CCDC18: variants seen among roughly 807,000 people sequenced by gnomAD.
The protein encoded by CCDC18 is coiled-coil domain containing 18.
CCDC18 carries 157 observed loss-of-function variants against 196.0 expected under a neutral mutation model. That is an observed-to-expected ratio of 0.80 (90% confidence interval 0.70 to 0.91). The LOEUF is 0.91. CCDC18 is among the 40% of genes least tolerant of loss of function. The pLI, the probability that CCDC18 is intolerant of heterozygous loss-of-function variation, is 0.00. For missense variants in CCDC18, 1,465 were observed against 1,611.6 expected (o/e 0.91, Z 1.56); for synonymous variants, 482 against 529.2 (o/e 0.91, Z 1.22).
chr1:93,219,938 TG>T (rs1657129818), intron 14 of CCDC18, among the ~76,000 whole-genome samples: 1 of 152,210 alleles, frequency 6.6e-6, no homozygotes, highest in Non-Finnish European at 1.5e-5. Flanking sequence ...GGGAAGGACC[TG>T]GAAGATCTGA....
At chr1:93,202,979 T>C (rs1395964493) in intron 7 of CCDC18, among the ~76,000 whole-genome samples, 1 of 152,124 alleles carries the variant, frequency 6.6e-6, no homozygotes, top group South Asian at 2.1e-4. Flanking sequence ...ATCTCAAAGA[T>C]TGTGATATAT....
In CCDC18 at chr1:93,258,758, G is replaced by T; in HGVS notation, c.3557G>T (p.Gly1186Val). Residue 1186 changes from glycine to valine, a missense_variant, in exon 26 of 29, where the codon GGA (glycine) becomes GTA (valine). Transcript: ENST00000690025. ...TATGTCATTTTTAAGGATGCTCATG[G>T]AAACCATTTAGCTGAAGAACTGGGG... ...KQLSKEKDAH[G>V]NHLAEELGAS... 1 of 1,547,214 alleles carries T rather than the reference G, an allele frequency of 6.5e-7. No individual in the cohort carries two copies. Among genetic ancestry groups the T allele is most frequent in the Admixed American group, 2.1e-5 (1 of 47,502 alleles).
intron 23 of CCDC18, among the ~76,000 whole-genome samples, chr1:93,250,820 T>G (rs1662139367): frequency 1.3e-5 from 2 of 152,242 alleles, no homozygotes; most frequent in African/African-American, 4.8e-5. Flanking sequence ...AACATCTTTT[T>G]ACATTATTTT....
At chr1:93,229,584 C>T (rs1473392910) in intron 17 of CCDC18, among the ~76,000 whole-genome samples, 1 of 152,100 alleles carries the variant, frequency 6.6e-6, no homozygotes, top group African/African-American at 2.4e-5. Context: ...AATTAAGTGG[C>T]CCTAGGGCAT....
In CCDC18 at chr1:93,258,762, C is replaced by T; in HGVS notation, c.3561C>T (p.Asn1187=). 14 of 1,561,028 alleles carry T rather than the reference C, an allele frequency of 9.0e-6. No individual in the cohort carries two copies. The highest frequency in any genetic ancestry group is 1.2e-5 in the Non-Finnish European group (14 of 1,156,770). ...TCATTTTTAAGGATGCTCATGGAAACCATTTAGCTGAAGAACTGGGGGCTT... is the reference window on the plus strand; with the variant it reads ...TCATTTTTAAGGATGCTCATGGAAATCATTTAGCTGAAGAACTGGGGGCTT... ...QLSKEKDAHG[N]HLAEELGASK... is the part of the protein sequence containing the mutation. Residue 1187 remains asparagine, a synonymous_variant, in exon 26 of 29, where the codon AAC becomes AAT. Transcript: ENST00000690025.
chr1:93,213,407 CTCT>C (rs1433788218), intron 11 of CCDC18, among the ~76,000 whole-genome samples: 2 of 145,356 alleles, frequency 1.4e-5, no homozygotes, highest in East Asian at 4.2e-4. Flanking sequence ...TTAATTTTCT[CTCT>C]TTTTTTTTTT....
At chr1:93,252,047 A>C (rs1448917787) in intron 23 of CCDC18, among the ~76,000 whole-genome samples, 2 of 151,894 alleles carry the variant, frequency 1.3e-5, no homozygotes, top group Admixed American at 6.6e-5. Context: ...CTATCAAACT[A>C]ATTAACTAAC....
chr1:93,277,754 T>G (rs1468367369), intron 28 of CCDC18, among the ~76,000 whole-genome samples: 1 of 152,048 alleles, frequency 6.6e-6, no homozygotes, highest in African/African-American at 2.4e-5. Context: ...CCCACATAAT[T>G]GTCTTTTGTC....
At chr1:93,179,939 G>T (rs570122389), upstream of CCDC18, 15 of 1,161,950 alleles carry the variant, frequency 1.3e-5, no homozygotes, top group South Asian at 2.1e-4. Flanking sequence ...CTTCCTGAAC[G>T]GCCCTCGCCT....
intron 16 of CCDC18, 144 bp from the exon 17 acceptor site, chr1:93,226,189 T>A (rs1003104742): frequency 2.3e-6 from 1 of 436,766 alleles, no homozygotes. Context: ...TCAATAAATA[T>A]CTTCTATAAT....
chr1:93,251,595 A>T (rs767273897), intron 23 of CCDC18, among the ~76,000 whole-genome samples: 1 of 152,046 alleles, frequency 6.6e-6, no homozygotes, highest in Admixed American at 6.6e-5. Context: ...TGAGTATGTC[A>T]TCTTACTCCC....
chr1:93,241,662 C>G (rs533151764), intron 21 of CCDC18, among the ~76,000 whole-genome samples: 1 of 122,984 alleles, frequency 8.1e-6, no homozygotes, highest in African/African-American at 3.3e-5. Flanking sequence ...GTGGAGGTTG[C>G]AATGAGCCAA....
chr1:93,204,811 T>C (rs1027584280), intron 7 of CCDC18, among the ~76,000 whole-genome samples: 1 of 152,104 alleles, frequency 6.6e-6, no homozygotes, highest in African/African-American at 2.4e-5. Context: ...AAGTGTGAAT[T>C]AGTTAATCAG....
intron 23 of CCDC18, among the ~76,000 whole-genome samples, chr1:93,251,428 T>G (rs896344477): frequency 2.0e-5 from 3 of 152,222 alleles, no homozygotes; most frequent in African/African-American, 4.8e-5. Context: ...GTTTTTCTTT[T>G]AAGTTTGAAG....
intron 7 of CCDC18, among the ~76,000 whole-genome samples, chr1:93,203,310 A>G (rs2101861060): frequency 6.6e-6 from 1 of 152,346 alleles, no homozygotes; most frequent in African/African-American, 2.4e-5. Flanking sequence ...AGTTTAAGAA[A>G]AAAAGTTAAT....
chr1:93,256,113 A>G (rs1473631192), intron 24 of CCDC18, among the ~76,000 whole-genome samples: 1 of 152,162 alleles, frequency 6.6e-6, no homozygotes, highest in Admixed American at 6.5e-5. Flanking sequence ...TATCAATAAG[A>G]GTCCCAATTA....
At chr1:93,198,246 T>C (rs1164417942) in intron 6 of CCDC18, among the ~76,000 whole-genome samples, 1 of 152,186 alleles carries the variant, frequency 6.6e-6, no homozygotes, top group Non-Finnish European at 1.5e-5. Flanking sequence ...TCATCAACAG[T>C]GTAATCTATA....
chr1:93,208,538 A>G (rs112801521), intron 9 of CCDC18, among the ~76,000 whole-genome samples: 3,786 of 151,598 alleles, frequency 0.025, 133 homozygotes, highest in African/African-American at 0.081. Flanking sequence ...CTCATGATCA[A>G]CCCACCTTGG....
intron 23 of CCDC18, among the ~76,000 whole-genome samples, chr1:93,249,539 CA>C (rs1661956133): frequency 6.6e-6 from 1 of 152,072 alleles, no homozygotes; most frequent in Non-Finnish European, 1.5e-5. Flanking sequence ...AAAGGCAGTT[CA>C]AGACCAACTT....
Sources: allele counts gnomAD v4.1 joint callset (sites outside exome capture counted in the v4.1 genomes callset), GRCh38; gene constraint gnomAD v4.1.1; transcripts MANE v1.5; gene names NCBI Gene and HGNC (gene_info 2026-07-23, HGNC 2026-07-21).